ATRIP: variants seen among roughly 807,000 people sequenced by gnomAD.
ATRIP encodes the protein ATR-interacting protein.
In ATRIP, 44 loss-of-function variants were observed where a neutral mutation model predicts 78.1. The ratio of observed to expected loss-of-function variants is 0.56; its 90% CI spans 0.44 to 0.72. The LOEUF (loss-of-function observed/expected upper bound fraction) is 0.72, where lower values mean the gene tolerates loss of function less well. Among genes scored for constraint, ATRIP ranks in the 30% least tolerant of loss-of-function variants. ATRIP has a pLI of 0.00. For synonymous variants in ATRIP, 388 were observed against 408.9 expected, an observed-to-expected ratio of 0.95 and a Z score of 0.62; for missense variants, 927 against 980.2, an observed-to-expected ratio of 0.95 and a Z score of 0.72.
At chr3:48,461,576 G>C (rs984659490) in intron 8 of ATRIP, 1 of 152,266 alleles carries the variant, frequency 6.6e-6, no homozygotes, top group Non-Finnish European at 1.5e-5. Context: ...CCATGCTAAA[G>C]GTGGTACTCA....
chr3:48,447,099 GCTC>G lies in ATRIP; in HGVS notation c.247+11_247+13del. 6 of 1,513,170 alleles carry G rather than the reference GCTC, an allele frequency of 4.0e-6. No individual in the cohort carries two copies. The highest frequency in any genetic ancestry group is 5.3e-6 in the Non-Finnish European group (6 of 1,129,508). 93.7% of individuals were successfully genotyped at this position (1,513,170 alleles called of 1,614,324 possible). A position where few individuals can be genotyped will look rare whatever the true frequency, so the allele number is the denominator to read the frequency against. On this transcript the variant is annotated splice_region_variant and intron_variant, in intron 1 of 12. Transcript: ENST00000320211. Reference sequence around the variant, plus strand: ...GCGGCTCGGGACGTGTCCAGTGAGTGCTCCTCGCGGCCTTTTGCTCGGAGGGAG... The same window carrying G: ...GCGGCTCGGGACGTGTCCAGTGAGTGCTCGCGGCCTTTTGCTCGGAGGGAG...
chr3:48,466,180 A>T lies in ATRIP; in HGVS notation c.*626A>T. 10 of 514,654 alleles carry T rather than the reference A, an allele frequency of 1.9e-5. No individual in the cohort carries two copies. In the South Asian group the frequency reaches 2.0e-4, roughly 10 times the overall value. The allele number at this position is 514,654 out of a possible 1,614,324, so 31.9% of individuals were successfully genotyped here. A position where few individuals can be genotyped will look rare whatever the true frequency, so the allele number is the denominator to read the frequency against. ...GGACAGACCAGGCAGGCTGACGAGC[A>T]GGGCGGGCCTGGCTCACGTGGGCCT... On this transcript the variant is annotated 3_prime_UTR_variant, in exon 13 of 13. Coordinates refer to ENST00000320211, the MANE Select transcript of ATRIP (RefSeq NM_130384.3).
At chr3:48,465,134 G>A (rs1247730444) in intron 12 of ATRIP, 51 bp downstream of exon 12, 2 of 1,568,546 alleles carry the variant, frequency 1.3e-6, no homozygotes, top group Non-Finnish European at 1.7e-6. Context: ...TCTTCCAGAG[G>A]TTCCCCAACA....
In ATRIP at chr3:48,463,856, G is replaced by A. The variant is rs371715114; in HGVS notation, c.1857G>A (p.Leu619=). ...LLSLLADHDQ[L]APQLCSHSEG... ...CCCTGCTGGCGGACCACGACCAGCT[G>A]GCACCTCAGCTCTGTTCCCACTCAG... is the stretch of plus-strand genomic sequence containing the variant. Residue 619 remains leucine (L), a synonymous_variant, in exon 9 of 13, where the codon CTG becomes CTA. Transcript: ENST00000320211. 11 of 1,614,158 alleles carry A rather than the reference G, an allele frequency of 6.8e-6. No individual in the cohort carries two copies. The highest frequency in any genetic ancestry group is 9.3e-6 in the Non-Finnish European group (11 of 1,180,036).
intron 8 of ATRIP, 76 bp from the exon 9 acceptor site, chr3:48,463,669 C>T: frequency 6.3e-7 from 1 of 1,581,600 alleles, no homozygotes; most frequent in Non-Finnish European, 8.6e-7. Context: ...TTTCTGTTAC[C>T]TCTAGTGGAG....
chr3:48,451,699 G>C (rs758812183), intron 2 of ATRIP, 30 bp from the exon 3 acceptor site: 1 of 1,562,136 alleles, frequency 6.4e-7, no homozygotes, highest in South Asian at 1.2e-5. Flanking sequence ...CTCTTACAAA[G>C]TTTTCACGAG....
At chr3:48,459,488 G>T (rs1226722545) in intron 6 of ATRIP, 34 bp downstream of exon 6, 10 of 1,580,818 alleles carry the variant, frequency 6.3e-6, no homozygotes, top group Non-Finnish European at 8.7e-6. Flanking sequence ...GCAGGGGCCT[G>T]CATGGCTCTG....
chr3:48,460,850 T>C, intron 8 of ATRIP, 51 bp downstream of exon 8: 1 of 1,495,554 alleles, frequency 6.7e-7, no homozygotes. Context: ...ACCTGACCTC[T>C]TAAGGTCTAA....
intron 3 of ATRIP, 136 bp downstream of exon 3, chr3:48,452,035 C>G (rs935564864): frequency 4.7e-6 from 4 of 851,186 alleles, no homozygotes; most frequent in Non-Finnish European, 7.0e-6. Flanking sequence ...TCATTGCCAT[C>G]CACTCTTCTT....
At chr3:48,465,129 C>A in intron 12 of ATRIP, 46 bp downstream of exon 12, 1 of 1,572,090 alleles carries the variant, frequency 6.4e-7, no homozygotes, top group Non-Finnish European at 8.7e-7. Context: ...TGGCTTCTTC[C>A]AGAGGTTCCC....
At chr3:48,450,576 G>A (rs752340543) in intron 2 of ATRIP, 2 of 1,236,522 alleles carry the variant, frequency 1.6e-6, no homozygotes, top group African/African-American at 3.2e-5. Context: ...GTTGTGCAAG[G>A]TATGTGACCC....
In ATRIP at chr3:48,458,775, T is replaced by C. The variant is rs190673794; in HGVS notation, c.830-584T>C. 3.0e-3 allele frequency among the ~76,000 whole-genome samples: 457 copies of C among 152,344 alleles called. 1 individual carries two copies. Among genetic ancestry groups the C allele is most frequent in the South Asian group, 6.4e-3 (31 of 4,822 alleles). On this transcript the variant is annotated intron_variant, in intron 5 of 12. Coordinates refer to ENST00000320211, the MANE Select transcript of ATRIP (RefSeq NM_130384.3). Reference sequence around the variant, plus strand: ...AAATCGGATACATTGACCCTCTTCTTACCATCAACCTTTCAAATCCTTGGC... The same window carrying C: ...AAATCGGATACATTGACCCTCTTCTCACCATCAACCTTTCAAATCCTTGGC...
rs768737028 is a variant in ATRIP at position 48,460,195 on chromosome 3, C to T, written c.1141C>T (p.Leu381=). ...CTCAGCCCTGAGAGAAGCACAGAAC[C>T]TGGCATTCACTGGACTGAATCTGGT... ...SLSALREAQN[L]AFTGLNLVAR... is the part of the protein sequence containing the mutation. Residue 381 remains leucine, a synonymous_variant, in exon 8 of 13, where the codon CTG becomes TTG. Coordinates refer to ENST00000320211, the MANE Select transcript of ATRIP (RefSeq NM_130384.3). The T allele has an allele frequency of 4.5e-5, 73 of 1,614,168 alleles. No homozygotes were observed. The East Asian group carries it at 1.6e-3, about 35-fold the overall frequency.
chr3:48,447,754 C>T (rs1201482186), intron 1 of ATRIP, among the ~76,000 whole-genome samples: 2 of 152,190 alleles, frequency 1.3e-5, no homozygotes, highest in African/African-American at 2.4e-5. Context: ...AAACTCAACA[C>T]GATCATTTCC....
chr3:48,447,134 A>T, intron 1 of ATRIP, 42 bp downstream of exon 1: 2 of 1,448,448 alleles, frequency 1.4e-6, no homozygotes, highest in Non-Finnish European at 1.8e-6. Context: ...GGAGTTGTCA[A>T]CCGCGCCAGA....
intron 2 of ATRIP, 116 bp downstream of exon 2, chr3:48,450,286 C>T: frequency 3.8e-6 from 5 of 1,311,736 alleles, no homozygotes; most frequent in Non-Finnish European, 5.2e-6. Context: ...ATCCCTATGA[C>T]ATGGGAAAAG....
At chr3:48,449,984 C>A in intron 1 of ATRIP, 53 bp from the exon 2 acceptor site, 13 of 1,517,084 alleles carry the variant, frequency 8.6e-6, no homozygotes, top group South Asian at 7.8e-5. Flanking sequence ...CATTTTCTGG[C>A]AAAAGTGGGA....
intron 4 of ATRIP, among the ~76,000 whole-genome samples, chr3:48,455,826 T>A (rs1422916670): frequency 6.6e-6 from 1 of 151,874 alleles, no homozygotes; most frequent in East Asian, 2.0e-4. Context: ...TAAAAAATCG[T>A]TTGTTCCACA....
chr3:48,447,265 G>C (rs2039703386), intron 1 of ATRIP, 173 bp downstream of exon 1: 2 of 1,267,174 alleles, frequency 1.6e-6, no homozygotes, highest in Middle Eastern at 3.0e-4. Flanking sequence ...TGATTTTAGG[G>C]GGAAATGCAT....
Sources: gnomAD v4.1 joint callset for allele counts (sites outside exome capture counted in the v4.1 genomes callset) on GRCh38, gnomAD v4.1.1 for gene constraint, MANE v1.5 for transcripts, NCBI Gene and HGNC (gene_info 2026-07-23, HGNC 2026-07-21) for gene names.